The following RBFOX3 variants were observed in gnomAD, a reference collection of about 807,000 sequenced individuals.
The protein encoded by RBFOX3 is RNA binding protein fox-1 homolog 3.
RBFOX3 carries 17 observed loss-of-function variants against 48.7 expected under a neutral mutation model. That is an observed-to-expected ratio of 0.35 (90% CI 0.24 to 0.52). RBFOX3 has a LOEUF of 0.52. Among genes scored for constraint, RBFOX3 ranks in the 20% least tolerant of loss-of-function variants. The probability of loss-of-function intolerance (pLI) is 0.94; values close to 1 mark genes in which losing one functional copy is unlikely to be tolerated. For synonymous variants in RBFOX3, 212 were observed against 209.5 expected, an observed-to-expected ratio of 1.01 and a Z score of -0.10; for missense variants, 382 against 497.5, an observed-to-expected ratio of 0.77 and a Z score of 2.21.
At chr17:79,245,416 T>G (rs1335356593) in intron 3 of RBFOX3, among the ~76,000 whole-genome samples, 1 of 152,018 alleles carries the variant, frequency 6.6e-6, no homozygotes, top group Non-Finnish European at 1.5e-5. Context: ...GGAAGCCACT[T>G]TTTTGGTTTG....
intron 2 of RBFOX3, among the ~76,000 whole-genome samples, chr17:79,463,397 G>A (rs189071187): frequency 4.8e-5 from 6 of 124,632 alleles, no homozygotes; most frequent in African/African-American, 1.3e-4. Flanking sequence ...CACCACCATC[G>A]CCACCGCCAC....
Position 79,199,516 on chromosome 17 carries a change from G to T in RBFOX3, c.-34+36250C>A, listed in dbSNP as rs1427149282. Reference sequence around the variant, plus strand: ...CAGCCATCTGGATGGCCTGAACCCAGTCACTGACTTAGGGCTGCCAGTGAC... The same window carrying T: ...CAGCCATCTGGATGGCCTGAACCCATTCACTGACTTAGGGCTGCCAGTGAC... On this transcript the variant is annotated intron_variant, in intron 4 of 14. Transcript: ENST00000693108. This position sits in a 1 kb window ranked among gnomAD's most constrained non-coding sequence, Gnocchi z 5.1. Among the ~76,000 whole-genome samples, 2 of 152,234 alleles carry T rather than the reference G, an allele frequency of 1.3e-5. No homozygotes were observed. The highest frequency in any genetic ancestry group is 4.8e-5 in the African/African-American group (2 of 41,462).
chr17:79,143,817 C>T (rs2042432200), intron 4 of RBFOX3, among the ~76,000 whole-genome samples: 1 of 152,208 alleles, frequency 6.6e-6, no homozygotes. Flanking sequence ...TCATGAAGAC[C>T]CCCTCCATTT....
chr17:79,460,173 C>A (rs1671525070), intron 2 of RBFOX3, among the ~76,000 whole-genome samples: 1 of 152,166 alleles, frequency 6.6e-6, no homozygotes, highest in Admixed American at 6.5e-5. Context: ...TAGAACTTGA[C>A]ACAGATGATG....
chr17:79,098,682 G>GGA (rs1459316663), intron 9 of RBFOX3: 1 of 152,344 alleles, frequency 6.6e-6, no homozygotes, highest in Non-Finnish European at 1.5e-5. Flanking sequence ...CAGCTGCCTT[G>GGA]CAGTGGGCTC....
At chr17:79,491,025 CGGAGAGGAGAGGGGAGGGGAGGAAA>C (rs2080423469) in intron 1 of RBFOX3, among the ~76,000 whole-genome samples, 13 of 106,004 alleles carry the variant, frequency 1.2e-4, no homozygotes, top group African/African-American at 4.7e-4. Context: ...TGGAGTGAAT[CGGAGAGGAGAGGGGAGGGGAGGAAA>C]GGAGAGGGGA....
At chr17:79,610,270 C>G (rs1381294149) in intron 1 of RBFOX3, among the ~76,000 whole-genome samples, 1 of 152,040 alleles carries the variant, frequency 6.6e-6, no homozygotes, top group Non-Finnish European at 1.5e-5. Context: ...GGGCTCTCTC[C>G]GGGCCTGGGT....
At chr17:79,160,626 G>A (rs1046133544) in intron 4 of RBFOX3, among the ~76,000 whole-genome samples, 14 of 152,218 alleles carry the variant, frequency 9.2e-5, no homozygotes, top group African/African-American at 3.1e-4. Context: ...TCTCTGAGAA[G>A]GGACAGCAGG....
intron 2 of RBFOX3, among the ~76,000 whole-genome samples, chr17:79,365,127 GCACACA>G (rs71365559): frequency 2.0e-5 from 3 of 150,852 alleles, no homozygotes; most frequent in Admixed American, 6.6e-5. Flanking sequence ...CTGGATGTGC[GCACACA>G]CACACACACA....
intron 1 of RBFOX3, among the ~76,000 whole-genome samples, chr17:79,552,913 C>T (rs1392766892): frequency 5.9e-5 from 9 of 152,100 alleles, no homozygotes; most frequent in Admixed American, 5.2e-4. Flanking sequence ...CATGGATTCT[C>T]TAGGATTTTC....
chr17:79,412,484 T>G (rs1487188431), intron 2 of RBFOX3, among the ~76,000 whole-genome samples: 1 of 151,886 alleles, frequency 6.6e-6, no homozygotes, highest in Non-Finnish European at 1.5e-5. Flanking sequence ...TATGCACATA[T>G]GTATACATGT....
At chr17:79,432,867 G>T (rs1476670175) in intron 2 of RBFOX3, among the ~76,000 whole-genome samples, 1 of 152,238 alleles carries the variant, frequency 6.6e-6, no homozygotes, top group Non-Finnish European at 1.5e-5. Flanking sequence ...AGCTCGCGAG[G>T]CTGGGTCCCT....
chr17:79,161,717 T>A (rs755358735), intron 4 of RBFOX3, among the ~76,000 whole-genome samples: 41 of 152,324 alleles, frequency 2.7e-4, no homozygotes, highest in Middle Eastern at 3.4e-3. Context: ...TGCCTCAGCC[T>A]CCTGAGTAGA....
At chr17:79,232,446 A>G (rs2061145620) in intron 4 of RBFOX3, among the ~76,000 whole-genome samples, 1 of 152,236 alleles carries the variant, frequency 6.6e-6, no homozygotes, top group Non-Finnish European at 1.5e-5. Context: ...CAACAGATCC[A>G]AGAAACAGAA....
intron 1 of RBFOX3, among the ~76,000 whole-genome samples, chr17:79,579,755 G>A (rs1236973444): frequency 2.0e-5 from 3 of 147,288 alleles, no homozygotes; most frequent in Non-Finnish European, 3.0e-5. Flanking sequence ...CACTGGCGCC[G>A]TGGTGGGGGT....
chr17:79,279,765 C>T (rs1291638500), intron 3 of RBFOX3, among the ~76,000 whole-genome samples: 4 of 152,152 alleles, frequency 2.6e-5, no homozygotes, highest in African/African-American at 4.8e-5. Flanking sequence ...CTGTGGGCTC[C>T]GCTGTCCACC....
At chr17:79,424,542 T>G (rs1347020247) in intron 2 of RBFOX3, among the ~76,000 whole-genome samples, 3 of 152,156 alleles carry the variant, frequency 2.0e-5, no homozygotes, top group African/African-American at 7.2e-5. Flanking sequence ...GAGTCACCAC[T>G]GGCCTGGGGC....
chr17:79,427,497 C>T (rs148566452), intron 2 of RBFOX3, among the ~76,000 whole-genome samples: 3 of 152,338 alleles, frequency 2.0e-5, no homozygotes, highest in Non-Finnish European at 2.9e-5. Context: ...AGGCCGAATA[C>T]GCTTGGGAGC....
chr17:79,569,558 C>G (rs993233063), intron 1 of RBFOX3, among the ~76,000 whole-genome samples: 40 of 152,224 alleles, frequency 2.6e-4, no homozygotes, highest in African/African-American at 9.2e-4. Flanking sequence ...GTATCTGTGT[C>G]CTTGTTTTCA....
Sources: allele counts gnomAD v4.1 joint callset (sites outside exome capture counted in the v4.1 genomes callset), GRCh38; gene constraint gnomAD v4.1.1; non-coding constraint Gnocchi (gnomAD v3.1); transcripts MANE v1.5; gene names NCBI Gene and HGNC (gene_info 2026-07-23, HGNC 2026-07-21).